SLC26A9: variants seen among roughly 807,000 people sequenced by gnomAD.
SLC26A9 encodes solute carrier family 26 member 9.
Under a neutral mutation model 87.1 loss-of-function variants are expected in SLC26A9, and 46 were observed. The ratio of observed to expected loss-of-function variants is 0.53; its 90% confidence interval spans 0.42 to 0.67. SLC26A9 has a LOEUF of 0.67. SLC26A9 is among the 30% of genes least tolerant of loss of function. SLC26A9 has a pLI of 0.00. For missense variants in SLC26A9, 927 were observed against 1,018.3 expected, an observed-to-expected ratio of 0.91 and a Z score of 1.22; for synonymous variants, 437 against 409.1, an observed-to-expected ratio of 1.07 and a Z score of -0.82.
Position 205,914,077 on chromosome 1 carries a change from C to A in SLC26A9, c.*1280G>T, listed in dbSNP as rs540152876. On this transcript the variant is annotated 3_prime_UTR_variant, in exon 21 of 21. Transcript: ENST00000367135. ...GTCAACAGTAGGGTTCCTCTCAATACCTCCTTGTACATATGGAAAACTTAA... is the reference window on the plus strand; with the variant it reads ...GTCAACAGTAGGGTTCCTCTCAATAACTCCTTGTACATATGGAAAACTTAA... 2.6e-5 allele frequency: 4 copies of A among 152,322 alleles called. No homozygotes were observed. The East Asian group carries it at 7.7e-4, about 29-fold the overall frequency. The allele number at this position is 152,322 out of a possible 1,614,324, so 9.4% of individuals were successfully genotyped here.
At chr1:205,938,457 C>T (rs984915121) in intron 1 of SLC26A9, among the ~76,000 whole-genome samples, 5 of 152,178 alleles carry the variant, frequency 3.3e-5, no homozygotes, top group African/African-American at 4.8e-5. Flanking sequence ...CTATCTCCCT[C>T]ATTTCCAGGA....
intron 1 of SLC26A9, among the ~76,000 whole-genome samples, chr1:205,941,373 T>C (rs1004045428): frequency 1.3e-5 from 2 of 152,154 alleles, no homozygotes; most frequent in Non-Finnish European, 1.5e-5. Flanking sequence ...GGTTTCGCCA[T>C]GTTGGCCAGC....
chr1:205,925,159 A>T (rs139561334), intron 12 of SLC26A9, among the ~76,000 whole-genome samples: 2 of 152,292 alleles, frequency 1.3e-5, no homozygotes, highest in Non-Finnish European at 2.9e-5. Flanking sequence ...TCATGAAAGG[A>T]TTCAAAAGTT....
chr1:205,936,733 G>C (rs1011807910), intron 1 of SLC26A9, among the ~76,000 whole-genome samples: 1 of 152,140 alleles, frequency 6.6e-6, no homozygotes, highest in African/African-American at 2.4e-5. Context: ...TTAGAGTGAG[G>C]ATTTGTATCT....
In SLC26A9 at chr1:205,926,866, G is replaced by A. The variant is rs189529548; in HGVS notation, c.1294-236C>T. Reference sequence around the variant, plus strand: ...CTCTCTTCCCTCATCTCTAAATGACGCATGCCTAGAGCCCTCCTAGCTGGG... The same window carrying A: ...CTCTCTTCCCTCATCTCTAAATGACACATGCCTAGAGCCCTCCTAGCTGGG... On this transcript the variant is annotated intron_variant, in intron 11 of 20. Transcript: ENST00000367135. 2.1e-3 allele frequency among the ~76,000 whole-genome samples: 322 copies of A among 152,192 alleles called. 1 individual carries two copies. The highest frequency in any genetic ancestry group is 7.3e-3 in the African/African-American group (301 of 41,502).
rs34992672 is a variant in SLC26A9 at position 205,921,757 on chromosome 1, C to T, written c.1864G>A (p.Val622Met). 1.1e-4 allele frequency: 169 copies of T among 1,597,410 alleles called. No homozygotes were observed. In the African/African-American group the frequency reaches 1.1e-3, roughly 10 times the overall value. Residue 622 changes from valine (V) to methionine (M), a missense_variant, in exon 17 of 21, where the codon GTG (valine) becomes ATG (methionine). Transcript: ENST00000367135. ...TCAGGGCTGAAGGTGATATAGGACA[C>T]GCTGGTGCCGTTAGCCGGGGTCTGG... ...NNQTPANGTS[V>M]SYITFSPDSS...
chr1:205,915,524 GTGT>G, intron 20 of SLC26A9, 120 bp from the exon 21 acceptor site: 1 of 591,012 alleles, frequency 1.7e-6, no homozygotes, highest in South Asian at 3.5e-5. Flanking sequence ...GCACCTGTGT[GTGT>G]GTGTGTGTGT....
chr1:205,913,247 C>T lies in SLC26A9; in HGVS notation c.*2110G>A, dbSNP rs932371326. ...ATTTCACTACTTTGCCTCCATCTTT[C>T]CTGCTTCAACCAGGTCCAGAAGAGT... is the stretch of plus-strand genomic sequence containing the variant. On this transcript the variant is annotated 3_prime_UTR_variant, in exon 21 of 21. Coordinates refer to ENST00000367135, the MANE Select transcript of SLC26A9 (RefSeq NM_052934.4). 2 of 152,234 alleles carry T rather than the reference C, an allele frequency of 1.3e-5. No homozygotes were observed. The highest frequency in any genetic ancestry group is 4.1e-4 in the South Asian group (2 of 4,828). 9.4% of individuals were successfully genotyped at this position (152,234 alleles called of 1,614,324 possible).
intron 5 of SLC26A9, among the ~76,000 whole-genome samples, chr1:205,930,463 C>T (rs74801115): frequency 1.6e-3 from 240 of 152,312 alleles, no homozygotes; most frequent in African/African-American, 5.6e-3. Context: ...AGTCCAGCCC[C>T]ATCTCTTTCT....
chr1:205,918,894 G>A lies in SLC26A9; in HGVS notation c.2202C>T (p.Val734=), dbSNP rs1485671823. Reference sequence around the variant, plus strand: ...CTCTAGCATTTGCCTGGGCAAAGAGGACTGCGTCATGTATGCTGGGAAAGA... The same window carrying A: ...CTCTAGCATTTGCCTGGGCAAAGAGAACTGCGTCATGTATGCTGGGAAAGA... The part of the protein sequence containing the change: ...KHVFPSIHDA[V]LFAQANARDV... The change falls in exon 19 of 21, where the codon GTC becomes GTT. Residue 734 remains valine (V), a synonymous_variant. Transcript: ENST00000367135. 6.2e-7 allele frequency: 1 copy of A among 1,614,228 alleles called. No individual in the cohort carries two copies. Among genetic ancestry groups the A allele is most frequent in the South Asian group, 1.1e-5 (1 of 91,084 alleles).
chr1:205,937,685 C>T (rs34190121), intron 1 of SLC26A9, among the ~76,000 whole-genome samples: 12,468 of 152,154 alleles, frequency 0.082, 567 homozygotes, highest in Middle Eastern at 0.12. Flanking sequence ...GGCCCTTCAC[C>T]GCCCGTGAGG....
chr1:205,927,882 C>T lies in SLC26A9; in HGVS notation c.1101+20G>A, dbSNP rs200014645. On this transcript the variant is annotated intron_variant, in intron 9 of 20. Coordinates refer to ENST00000367135, the MANE Select transcript of SLC26A9 (RefSeq NM_052934.4). ...AGTTGACCTGTCCTGCCCAGTCCTG[C>T]CGGGGGTGGCCAGAGCTACCTGGTT... is the stretch of plus-strand genomic sequence containing the variant. The T allele has an allele frequency of 5.0e-5, 80 of 1,611,528 alleles. 1 individual carries two copies. In the African/African-American group the frequency reaches 1.0e-3, roughly 20 times the overall value.
rs749633203 is a variant in SLC26A9 at position 205,921,711 on chromosome 1, C to T, written c.1910G>A (p.Ser637Asn). Residue 637 changes from serine (S) to asparagine (N), a missense_variant, in exon 17 of 21, where the codon AGT becomes AAT. Coordinates refer to ENST00000367135, the MANE Select transcript of SLC26A9 (RefSeq NM_052934.4). ...FSPDSSSPAQ[S>N]EPPASAEAPG... is the part of the protein sequence containing the mutation. Reference sequence around the variant, plus strand: ...GGCCTCAGCGGAGGCTGGTGGCTCACTCTGGGCAGGTGAGGAGCTGTCAGG... The same window carrying T: ...GGCCTCAGCGGAGGCTGGTGGCTCATTCTGGGCAGGTGAGGAGCTGTCAGG... 1.9e-6 allele frequency: 3 copies of T among 1,591,842 alleles called. No homozygotes were observed. The highest frequency in any genetic ancestry group is 3.6e-5 in the Admixed American group (2 of 55,910).
At chr1:205,921,922 G>T (rs914501636) in intron 16 of SLC26A9, 75 bp from the exon 17 acceptor site, 2 of 1,515,304 alleles carry the variant, frequency 1.3e-6, no homozygotes, top group African/African-American at 1.4e-5. Context: ...TGAAGCAGGG[G>T]CATGGAGGGT....
At chr1:205,939,053 A>T (rs1409634551) in intron 1 of SLC26A9, among the ~76,000 whole-genome samples, 10 of 152,132 alleles carry the variant, frequency 6.6e-5, no homozygotes, top group Admixed American at 5.9e-4. Context: ...TCTCTTTCCC[A>T]TGCCATCTGC....
chr1:205,932,141 G>C (rs560849363), intron 4 of SLC26A9, 106 bp from the exon 5 acceptor site: 74 of 1,322,296 alleles, frequency 5.6e-5, no homozygotes, highest in Non-Finnish European at 7.5e-5. Context: ...ATGGATCCCT[G>C]CACCTCCAAG....
chr1:205,914,915 C>A lies in SLC26A9; in HGVS notation c.*442G>T. On this transcript the variant is annotated 3_prime_UTR_variant, in exon 21 of 21. Coordinates refer to ENST00000367135, the MANE Select transcript of SLC26A9 (RefSeq NM_052934.4). ...CCCTATGTCCGTGACAGCCTGACAC[C>A]ATCTGACACCGAGCCGTGTGGGCTC... The A allele has an allele frequency of 6.2e-7, 1 of 1,613,328 alleles. No individual in the cohort carries two copies. The highest frequency in any genetic ancestry group is 1.1e-5 in the South Asian group (1 of 90,940).
At chr1:205,921,505 A>C in intron 17 of SLC26A9, 61 bp downstream of exon 17, 1 of 1,541,526 alleles carries the variant, frequency 6.5e-7, no homozygotes, top group Non-Finnish European at 8.7e-7. Context: ...AGGAAAGGGA[A>C]TGTGGAGAGC....
At chr1:205,927,776 C>A (rs998066828) in intron 9 of SLC26A9, 126 bp downstream of exon 9, 22 of 1,494,936 alleles carry the variant, frequency 1.5e-5, no homozygotes, top group East Asian at 2.3e-5. Flanking sequence ...GTCAGAGGAC[C>A]CCCTATCCCC....
Sources: allele counts gnomAD v4.1 joint callset (sites outside exome capture counted in the v4.1 genomes callset), GRCh38; gene constraint gnomAD v4.1.1; transcripts MANE v1.5; gene names NCBI Gene and HGNC (gene_info 2026-07-23, HGNC 2026-07-21).